TG: variants seen among roughly 807,000 people sequenced by gnomAD.
TG encodes the protein thyroid hormones.
A neutral mutation model predicts 324.7 loss-of-function variants in TG; 270 were observed. The observed-to-expected ratio is 0.83, with a 90% confidence interval of 0.75 to 0.92. TG has a LOEUF of 0.92. Among genes scored for constraint, TG ranks in the 40% least tolerant of loss-of-function variants. TG has a pLI of 0.00. For missense variants in TG, 3,591 were observed against 3,456.4 expected (o/e 1.04, Z -0.98); for synonymous variants, 1,401 against 1,327.0 (o/e 1.06, Z -1.21).
At chr8:132,891,387 T>A (rs1380728365) in intron 10 of TG, among the ~76,000 whole-genome samples, 1 of 152,124 alleles carries the variant, frequency 6.6e-6, no homozygotes, top group Non-Finnish European at 1.5e-5. Flanking sequence ...TATGTTGGAG[T>A]GCAGTGGCAT....
At chr8:133,013,577 AC>A (rs1200814318) in intron 36 of TG, 22 bp from the exon 37 acceptor site, 1 of 1,613,830 alleles carries the variant, frequency 6.2e-7, no homozygotes, top group Admixed American at 1.7e-5. Flanking sequence ...CCCAAGCATC[AC>A]TCTTCTCCCT....
chr8:133,071,415 G>A (rs1844010653), intron 41 of TG, among the ~76,000 whole-genome samples: 1 of 152,194 alleles, frequency 6.6e-6, no homozygotes, highest in African/African-American at 2.4e-5. Flanking sequence ...AAGGGATGGA[G>A]GGCAGCTTAA....
At chr8:133,047,590 TC>T in intron 41 of TG, 1 of 540,962 alleles carries the variant, frequency 1.8e-6, no homozygotes, top group Non-Finnish European at 3.3e-6. Flanking sequence ...GCAGGAGTCA[TC>T]AGGCCTGATG....
chr8:132,880,481 C>T (rs1814499714), intron 5 of TG, among the ~76,000 whole-genome samples: 1 of 152,164 alleles, frequency 6.6e-6, no homozygotes, highest in Admixed American at 6.5e-5. Flanking sequence ...CTATTAGTGG[C>T]AACTAAGCAA....
Position 133,133,523 on chromosome 8 carries a change from C to G in TG, c.8051C>G (p.Pro2684Arg). Residue 2684 changes from proline to arginine, a missense_variant, in exon 47 of 48, where the codon CCC becomes CGC. Physicochemically the swap from Pro to Arg is moderately radical, Grantham distance 103 (BLOSUM62 -2). Coordinates refer to ENST00000220616, the MANE Select transcript of TG (RefSeq NM_003235.5). Reference protein sequence around the residue: ...FSRKVPTFATPWPDFVPRAGG... With the variant: ...FSRKVPTFATRWPDFVPRAGG... Reference sequence around the variant, plus strand: ...CGGAAAGTACCCACATTTGCAACCCCCTGGCCTGACTTTGTACCCCGTGCT... The same window carrying G: ...CGGAAAGTACCCACATTTGCAACCCGCTGGCCTGACTTTGTACCCCGTGCT... 1 of 1,614,210 alleles carries G rather than the reference C, an allele frequency of 6.2e-7. No individual in the cohort carries two copies. The highest frequency in any genetic ancestry group is 8.5e-7 in the Non-Finnish European group (1 of 1,180,042).
intron 5 of TG, among the ~76,000 whole-genome samples, chr8:132,877,707 C>A (rs780357550): frequency 2.6e-5 from 4 of 152,286 alleles, no homozygotes; most frequent in Non-Finnish European, 5.9e-5. Context: ...CCACCCCTTG[C>A]CCCTCTGCTA....
intron 41 of TG, among the ~76,000 whole-genome samples, chr8:133,067,915 GA>G (rs35515477): frequency 0.02 from 737 of 36,930 alleles, 19 homozygotes; most frequent in African/African-American, 0.048. Flanking sequence ...AGGAAGGAAG[GA>G]AAGAGAGAGA....
At chr8:133,084,416 G>A (rs1163595269) in intron 41 of TG, among the ~76,000 whole-genome samples, 2 of 152,292 alleles carry the variant, frequency 1.3e-5, no homozygotes, top group East Asian at 1.9e-4. Context: ...CAATGGAAGG[G>A]AGGCTCAGGA....
chr8:133,027,199 G>A (rs1836176142), intron 40 of TG, among the ~76,000 whole-genome samples: 1 of 152,232 alleles, frequency 6.6e-6, no homozygotes, highest in African/African-American at 2.4e-5. Flanking sequence ...GATCGAATGA[G>A]CAAACAAGAG....
At position 133,068,393 on chromosome 8, in the gene TG, G is replaced by C. The variant is rs149675891; in HGVS notation, c.7240-26651G>C. Among the ~76,000 whole-genome samples, 1,498 of 152,330 alleles carry C rather than the reference G, an allele frequency of 9.8e-3. 24 individuals are homozygous for C. Among genetic ancestry groups the C allele is most frequent in the African/African-American group, 0.035 (1,438 of 41,572 alleles). On this transcript the variant is annotated intron_variant, in intron 41 of 47. Coordinates refer to ENST00000220616, the MANE Select transcript of TG (RefSeq NM_003235.5). ...TGGGCTTTATGCTAAGACCAGAAGG[G>C]GATGGAGGTGTCCTAGTGTACATTT...
intron 29 of TG, among the ~76,000 whole-genome samples, chr8:132,963,973 T>G (rs1419975674): frequency 6.6e-6 from 1 of 152,142 alleles, no homozygotes; most frequent in Admixed American, 6.5e-5. Context: ...GTCTACCTCT[T>G]ATCCCGTTAG....
chr8:133,000,694 A>G (rs182596687), intron 35 of TG, among the ~76,000 whole-genome samples: 2 of 152,216 alleles, frequency 1.3e-5, no homozygotes, highest in Non-Finnish European at 1.5e-5. Flanking sequence ...CTTCAACCCT[A>G]TGAGCCATTT....
intron 16 of TG, among the ~76,000 whole-genome samples, chr8:132,905,710 G>A (rs1386743670): frequency 6.6e-6 from 1 of 152,180 alleles, no homozygotes; most frequent in African/African-American, 2.4e-5. Flanking sequence ...ACTCAACCCA[G>A]TGGGGTGACC....
At chr8:133,113,919 C>T (rs957465238) in intron 44 of TG, among the ~76,000 whole-genome samples, 3 of 152,234 alleles carry the variant, frequency 2.0e-5, no homozygotes, top group Non-Finnish European at 2.9e-5. Flanking sequence ...CTGGTGCACG[C>T]TCCACCTGAA....
intron 32 of TG, among the ~76,000 whole-genome samples, chr8:132,970,849 A>G (rs1002157081): frequency 6.6e-6 from 1 of 152,202 alleles, no homozygotes; most frequent in African/African-American, 2.4e-5. Flanking sequence ...CAGTAAGTGG[A>G]CAGGTTAGCA....
At position 132,873,229 on chromosome 8, in the gene TG, G is replaced by A; in HGVS notation, c.638+8G>A. ...GGTCCACAGCTACAACAGGTAAGGG[G>A]AGCAGGGGTGTGCCAGTCACTGGGC... On this transcript the variant is annotated splice_region_variant and intron_variant, in intron 5 of 47. Coordinates refer to ENST00000220616, the MANE Select transcript of TG (RefSeq NM_003235.5). 3 of 1,613,972 alleles carry A rather than the reference G, an allele frequency of 1.9e-6. No individual in the cohort carries two copies. The highest frequency in any genetic ancestry group is 2.5e-6 in the Non-Finnish European group (3 of 1,179,960).
intron 2 of TG, among the ~76,000 whole-genome samples, chr8:132,869,321 C>T (rs1169080574): frequency 1.3e-5 from 2 of 152,186 alleles, no homozygotes; most frequent in African/African-American, 4.8e-5. Context: ...CCCAATATAC[C>T]CTGCTGGCCC....
chr8:133,004,262 G>C (rs141194493), intron 35 of TG, among the ~76,000 whole-genome samples: 2 of 152,274 alleles, frequency 1.3e-5, no homozygotes, highest in African/African-American at 4.8e-5. Context: ...CCATGCTGTG[G>C]GGCTGTATAA....
chr8:132,964,985 C>T (rs1828339070), intron 29 of TG: 2 of 699,572 alleles, frequency 2.9e-6, no homozygotes, highest in Non-Finnish European at 5.2e-6. Context: ...TGCCAAGGCT[C>T]TGAGAGCAGG....
Sources: allele counts gnomAD v4.1 joint callset (sites outside exome capture counted in the v4.1 genomes callset), GRCh38; gene constraint gnomAD v4.1.1; transcripts MANE v1.5; gene names NCBI Gene and HGNC (gene_info 2026-07-23, HGNC 2026-07-21).